Variants in MED15 observed in about 807,000 individuals in gnomAD.
The protein encoded by MED15 is mediator of RNA polymerase II transcription subunit 15.
Under a neutral mutation model 118.7 loss-of-function variants are expected in MED15, and 41 were observed. The observed-to-expected ratio is 0.35, with a 90% CI of 0.27 to 0.45. MED15 has a LOEUF of 0.45. Ranked by LOEUF, MED15 falls within the 20% of genes least tolerant of loss-of-function variation. The pLI, the probability that MED15 is intolerant of heterozygous loss-of-function variation, is 1.00. For synonymous variants in MED15, 436 were observed against 413.9 expected (o/e 1.05, Z -0.65); for missense variants, 740 against 1,025.5 (o/e 0.72, Z 3.80).
intron 7 of MED15, among the ~76,000 whole-genome samples, chr22:20,567,298 T>G (rs1250238054): frequency 1.3e-5 from 2 of 152,218 alleles, no homozygotes; most frequent in Non-Finnish European, 2.9e-5. Flanking sequence ...AGTATTAATA[T>G]AAAATACTGT....
chr22:20,557,571 A>AT (rs981969065), intron 5 of MED15, among the ~76,000 whole-genome samples: 118 of 148,682 alleles, frequency 7.9e-4, no homozygotes, highest in African/African-American at 2.1e-3. Context: ...TACTTGGTGC[A>AT]TTTTTTTTTT....
At chr22:20,559,229 G>A (rs1435986333) in intron 5 of MED15, among the ~76,000 whole-genome samples, 1 of 152,152 alleles carries the variant, frequency 6.6e-6, no homozygotes, top group Non-Finnish European at 1.5e-5. Flanking sequence ...GAGCAATGAA[G>A]CAGATTTGAA....
intron 1 of MED15, among the ~76,000 whole-genome samples, chr22:20,509,344 T>G (rs2053983985): frequency 6.6e-6 from 1 of 152,122 alleles, no homozygotes; most frequent in African/African-American, 2.4e-5. Context: ...GAGAGACCAG[T>G]TAAGCTATTA....
intron 2 of MED15, among the ~76,000 whole-genome samples, chr22:20,540,962 C>T (rs1240218611): frequency 6.6e-6 from 1 of 152,094 alleles, no homozygotes; most frequent in Non-Finnish European, 1.5e-5. Flanking sequence ...GGCGCGGTGG[C>T]TCACACCTGT....
chr22:20,562,991 G>T (rs1218352830), intron 5 of MED15, among the ~76,000 whole-genome samples: 1 of 151,652 alleles, frequency 6.6e-6, no homozygotes, highest in Non-Finnish European at 1.5e-5. Flanking sequence ...AGCCACGATG[G>T]TACCACTTCA....
intron 2 of MED15, among the ~76,000 whole-genome samples, chr22:20,537,552 G>C (rs573806263): frequency 2.6e-5 from 4 of 152,284 alleles, no homozygotes; most frequent in African/African-American, 9.6e-5. Context: ...TTTGTCCTCA[G>C]CCCCTCCTAG....
intron 1 of MED15, among the ~76,000 whole-genome samples, chr22:20,526,835 C>T (rs1302311056): frequency 6.6e-6 from 1 of 152,286 alleles, no homozygotes; most frequent in East Asian, 1.9e-4. Context: ...TGCTTGTCTG[C>T]CCAGACTGGG....
intron 2 of MED15, among the ~76,000 whole-genome samples, chr22:20,544,032 T>G (rs1288516968): frequency 4.6e-5 from 7 of 152,242 alleles, no homozygotes; most frequent in Non-Finnish European, 8.8e-5. Context: ...TTGTTTCCTT[T>G]GTTTCTTTAG....
chr22:20,520,053 CAA>C (rs2054391559), intron 1 of MED15, among the ~76,000 whole-genome samples: 1 of 152,164 alleles, frequency 6.6e-6, no homozygotes, highest in Non-Finnish European at 1.5e-5. Flanking sequence ...GGGGCTCACA[CAA>C]GAGTGAAGTG....
chr22:20,534,056 G>A (rs1425730510), intron 1 of MED15, among the ~76,000 whole-genome samples: 1 of 152,130 alleles, frequency 6.6e-6, no homozygotes, highest in African/African-American at 2.4e-5. Flanking sequence ...TTTGCTCTCT[G>A]ATCGCTGCTG....
chr22:20,578,478 G>C lies in MED15; in HGVS notation c.1272+3246G>C, dbSNP rs541272582. ...GTCTCCCACACCTGGCTGTGGGCCA[G>C]CCTTGGGGACGTGAGGCATGCTGGG... On this transcript the variant is annotated intron_variant, in intron 9 of 17. Coordinates refer to ENST00000263205, the MANE Select transcript of MED15 (RefSeq NM_001003891.3). Among the ~76,000 whole-genome samples the C allele has an allele frequency of 8.5e-5, 13 of 152,344 alleles. No homozygotes were observed. In the East Asian group the frequency reaches 2.5e-3, roughly 29 times the overall value.
At chr22:20,582,468 A>AT (rs2146673171) in intron 9 of MED15, 143 bp from the exon 10 acceptor site, 1 of 1,305,776 alleles carries the variant, frequency 7.7e-7, no homozygotes, top group African/African-American at 1.5e-5. Context: ...GCCTGTGTGT[A>AT]TGTCCAGGTG....
intron 1 of MED15, among the ~76,000 whole-genome samples, chr22:20,517,975 C>T (rs1375874347): frequency 2.8e-5 from 4 of 144,296 alleles, no homozygotes; most frequent in South Asian, 2.2e-4. Flanking sequence ...TGCTCATTGC[C>T]GCATCATTGT....
intron 9 of MED15, 113 bp downstream of exon 9, chr22:20,575,345 T>G (rs1188186818): frequency 1.5e-6 from 2 of 1,371,078 alleles, no homozygotes; most frequent in African/African-American, 1.5e-5. Flanking sequence ...ATGGTGGCTT[T>G]CAGAGTGCCA....
At chr22:20,580,964 G>T (rs1271913910) in intron 9 of MED15, among the ~76,000 whole-genome samples, 1 of 152,236 alleles carries the variant, frequency 6.6e-6, no homozygotes, top group Non-Finnish European at 1.5e-5. Flanking sequence ...CCTGCACTCT[G>T]TCCCTCCTCT....
At chr22:20,512,554 A>G (rs1045861798) in intron 1 of MED15, among the ~76,000 whole-genome samples, 2 of 149,020 alleles carry the variant, frequency 1.3e-5, no homozygotes, top group African/African-American at 2.5e-5. Context: ...GAGGAGTGGA[A>G]TAGTATTTTC....
chr22:20,571,763 C>G (rs2056668905), intron 8 of MED15, among the ~76,000 whole-genome samples: 1 of 152,182 alleles, frequency 6.6e-6, no homozygotes, highest in African/African-American at 2.4e-5. Context: ...TGAATTGGCA[C>G]AGTGACCAGC....
intron 2 of MED15, among the ~76,000 whole-genome samples, chr22:20,540,063 G>A (rs1020872742): frequency 5.9e-5 from 9 of 151,442 alleles, no homozygotes; most frequent in Non-Finnish European, 1.3e-4. Context: ...TCGCTCTGTC[G>A]GCCAGGCTGG....
At chr22:20,565,904 C>CA (rs1220144855) in intron 6 of MED15, among the ~76,000 whole-genome samples, 4 of 152,178 alleles carry the variant, frequency 2.6e-5, no homozygotes, top group African/African-American at 4.8e-5. Flanking sequence ...AGCCCAGGCA[C>CA]ACACTTGGTG....
Sources: gnomAD v4.1 joint callset for allele counts (sites outside exome capture counted in the v4.1 genomes callset) on GRCh38, gnomAD v4.1.1 for gene constraint, MANE v1.5 for transcripts, NCBI Gene and HGNC (gene_info 2026-07-23, HGNC 2026-07-21) for gene names.